The following PLEKHG1 variants were observed in gnomAD, a reference collection of about 807,000 sequenced individuals.
PLEKHG1 encodes the protein pleckstrin homology domain-containing family G member 1.
A neutral mutation model predicts 100.8 loss-of-function variants in PLEKHG1; 44 were observed. The observed-to-expected ratio is 0.44, with a 90% CI of 0.34 to 0.56. PLEKHG1 has a LOEUF of 0.56. Ranked by LOEUF, PLEKHG1 falls within the 20% of genes least tolerant of loss-of-function variation. The pLI, the probability that PLEKHG1 is intolerant of heterozygous loss-of-function variation, is 0.01. For synonymous variants in PLEKHG1, 640 were observed against 662.5 expected (o/e 0.97, Z 0.52); for missense variants, 1,545 against 1,720.9 (o/e 0.90, Z 1.81).
intron 3 of PLEKHG1, among the ~76,000 whole-genome samples, chr6:150,699,131 A>G (rs1424584900): frequency 1.3e-5 from 2 of 152,212 alleles, no homozygotes; most frequent in Non-Finnish European, 2.9e-5. Flanking sequence ...TTATTATACT[A>G]CAGGTATGCA....
chr6:150,701,652 G>A (rs1582967051), intron 3 of PLEKHG1, among the ~76,000 whole-genome samples: 1 of 132,010 alleles, frequency 7.6e-6, no homozygotes, highest in Non-Finnish European at 1.6e-5. Context: ...CCCTTCCTGT[G>A]TCCAGGTGTT....
chr6:150,655,900 G>A (rs1412653635), intron 3 of PLEKHG1, among the ~76,000 whole-genome samples: 1 of 151,860 alleles, frequency 6.6e-6, no homozygotes, highest in Non-Finnish European at 1.5e-5. Flanking sequence ...TGAACAATGA[G>A]AACACATGGA....
chr6:150,620,949 G>A (rs1012667963), intron 1 of PLEKHG1, among the ~76,000 whole-genome samples: 7 of 152,112 alleles, frequency 4.6e-5, no homozygotes, highest in Non-Finnish European at 1.0e-4. Flanking sequence ...ACCTGAAGAA[G>A]GAAATAAAAC....
chr6:150,609,973 G>T (rs918758670), intron 1 of PLEKHG1, among the ~76,000 whole-genome samples: 1 of 152,148 alleles, frequency 6.6e-6, no homozygotes, highest in Admixed American at 6.5e-5. Flanking sequence ...TACCCAAAGC[G>T]GCTCATGGCT....
intron 3 of PLEKHG1, among the ~76,000 whole-genome samples, chr6:150,773,276 G>A (rs1308529708): frequency 6.6e-6 from 1 of 152,154 alleles, no homozygotes; most frequent in African/African-American, 2.4e-5. Context: ...GCTCACGTCT[G>A]TAATCCCCGC....
At chr6:150,679,666 C>T (rs1405681807) in intron 3 of PLEKHG1, among the ~76,000 whole-genome samples, 1 of 152,254 alleles carries the variant, frequency 6.6e-6, no homozygotes, top group Non-Finnish European at 1.5e-5. Context: ...AGTATGTACT[C>T]TGTGCCAGGT....
intron 7 of PLEKHG1, among the ~76,000 whole-genome samples, chr6:150,806,482 C>T (rs562460100): frequency 7.9e-5 from 12 of 151,744 alleles, no homozygotes; most frequent in Non-Finnish European, 1.5e-4. Context: ...GTCAGGAGTT[C>T]GAGATCAGCC....
intron 1 of PLEKHG1, among the ~76,000 whole-genome samples, chr6:150,635,372 A>G (rs1327428150): frequency 1.3e-5 from 2 of 152,212 alleles, no homozygotes; most frequent in East Asian, 1.9e-4. Flanking sequence ...GAAAAATAGA[A>G]AAGTCATGAG....
chr6:150,601,483 G>T (rs558404438), intron 1 of PLEKHG1, among the ~76,000 whole-genome samples: 1 of 152,092 alleles, frequency 6.6e-6, no homozygotes, highest in East Asian at 1.9e-4. Context: ...CTGTAATTTG[G>T]TCTACAATAT....
intron 3 of PLEKHG1, among the ~76,000 whole-genome samples, chr6:150,678,085 T>TATATAA (rs1554259152): frequency 3.5e-5 from 5 of 141,260 alleles, no homozygotes; most frequent in African/African-American, 1.3e-4. Context: ...TATATATATA[T>TATATAA]ATATATATAT....
At chr6:150,613,596 A>G (rs1433460439) in intron 1 of PLEKHG1, among the ~76,000 whole-genome samples, 1 of 152,216 alleles carries the variant, frequency 6.6e-6, no homozygotes, top group Non-Finnish European at 1.5e-5. Flanking sequence ...AAGCAGTAGA[A>G]AACATCCACT....
At chr6:150,669,431 T>G (rs572286839) in intron 3 of PLEKHG1, among the ~76,000 whole-genome samples, 7 of 152,210 alleles carry the variant, frequency 4.6e-5, no homozygotes, top group African/African-American at 1.7e-4. Flanking sequence ...GGCTTCAGTC[T>G]GTGGGGAGAA....
At chr6:150,632,279 C>T (rs1256913258) in intron 1 of PLEKHG1, among the ~76,000 whole-genome samples, 1 of 152,196 alleles carries the variant, frequency 6.6e-6, no homozygotes, top group Admixed American at 6.5e-5. Context: ...ATGGTTTTTC[C>T]TTGCTTTTCT....
intron 4 of PLEKHG1, among the ~76,000 whole-genome samples, chr6:150,794,674 T>C (rs149154582): frequency 0.01 from 1,524 of 151,394 alleles, 25 homozygotes; most frequent in African/African-American, 0.035. Flanking sequence ...CTCAAAAAAA[T>C]AAAGTCCTTA....
intron 3 of PLEKHG1, among the ~76,000 whole-genome samples, chr6:150,769,697 G>T (rs1224812637): frequency 2.0e-5 from 3 of 151,760 alleles, no homozygotes; most frequent in Admixed American, 1.3e-4. Flanking sequence ...TCCCAGCAAA[G>T]CCCCCTGTAT....
At chr6:150,726,406 A>G (rs1781965962) in intron 1 of PLEKHG1, among the ~76,000 whole-genome samples, 2 of 152,202 alleles carry the variant, frequency 1.3e-5, no homozygotes, top group South Asian at 4.1e-4. Context: ...TTAAATATGT[A>G]TAACTTTTTC....
intron 1 of PLEKHG1, among the ~76,000 whole-genome samples, chr6:150,606,270 G>A (rs1776594424): frequency 6.6e-6 from 1 of 152,196 alleles, no homozygotes; most frequent in African/African-American, 2.4e-5. Flanking sequence ...GCAGAGATGT[G>A]TGAAACCTTA....
intron 2 of PLEKHG1, among the ~76,000 whole-genome samples, chr6:150,749,192 T>C (rs1364848522): frequency 6.6e-6 from 1 of 152,140 alleles, no homozygotes; most frequent in Non-Finnish European, 1.5e-5. Flanking sequence ...ACCTGAAACA[T>C]TTTATTGAGT....
exon 15 of PLEKHG1, chr6:150,830,750 C>T (rs1254734931): frequency 4.3e-6 from 7 of 1,614,018 alleles, no homozygotes; most frequent in South Asian, 1.1e-5. Flanking sequence ...TCCCAGCCGA[C>T]GGTCCCCGCA....
Sources: allele counts gnomAD v4.1 joint callset (sites outside exome capture counted in the v4.1 genomes callset), GRCh38; gene constraint gnomAD v4.1.1; transcripts MANE v1.5; gene names NCBI Gene and HGNC (gene_info 2026-07-23, HGNC 2026-07-21).